Variants in PSMA1 observed in about 807,000 individuals in gnomAD.
PSMA1 encodes proteasome subunit alpha type-1.
In PSMA1, 3 loss-of-function variants were observed where a neutral mutation model predicts 38.4. The ratio of observed to expected loss-of-function variants is 0.08; its 90% CI spans 0.04 to 0.20. The LOEUF (loss-of-function observed/expected upper bound fraction) is 0.20, where lower values mean the gene tolerates loss of function less well. PSMA1 is among the 10% of genes least tolerant of loss of function. The pLI, the probability that PSMA1 is intolerant of heterozygous loss-of-function variation, is 1.00. For missense variants in PSMA1, 227 were observed against 325.3 expected (o/e 0.70, Z 2.32); for synonymous variants, 101 against 107.1 (o/e 0.94, Z 0.35).
intron 1 of PSMA1, among the ~76,000 whole-genome samples, chr11:14,634,910 G>A (rs1853092764): frequency 1.3e-5 from 2 of 152,204 alleles, no homozygotes; most frequent in African/African-American, 4.8e-5. Flanking sequence ...GATGAAGGAT[G>A]AAGAAATTTT....
chr11:14,570,838 C>T (rs1218930302), intron 2 of PSMA1, among the ~76,000 whole-genome samples: 2 of 152,118 alleles, frequency 1.3e-5, no homozygotes, highest in African/African-American at 4.8e-5. Context: ...CATTCAAATT[C>T]AGGAAATACA....
At chr11:14,581,073 C>T (rs937519507) in intron 2 of PSMA1, among the ~76,000 whole-genome samples, 1 of 152,056 alleles carries the variant, frequency 6.6e-6, no homozygotes, top group African/African-American at 2.4e-5. Context: ...ATGAGAGAAC[C>T]TTTAGAAAGT....
At chr11:14,516,085 T>A (rs1206354503) in intron 4 of PSMA1, among the ~76,000 whole-genome samples, 1 of 151,640 alleles carries the variant, frequency 6.6e-6, no homozygotes, top group Admixed American at 6.6e-5. Flanking sequence ...TGGCACATGC[T>A]TGTAGTCCCA....
chr11:14,601,611 A>C (rs1038175568), intron 2 of PSMA1, among the ~76,000 whole-genome samples: 1 of 152,128 alleles, frequency 6.6e-6, no homozygotes, highest in African/African-American at 2.4e-5. Flanking sequence ...TGATCACATA[A>C]TCCTGTCTAC....
rs368089409 is a variant in PSMA1 at position 14,570,680 on chromosome 11, G to A, written c.21+40286C>T. On this transcript the variant is annotated intron_variant, in intron 2 of 10. Coordinates refer to the PSMA1 transcript ENST00000418988. The stretch of plus-strand genomic sequence containing the variant: ...AAAAGACTAAAAAGAAACAAACAAA[G>A]CCTCCAAGAAATATGGGACTATGTG... Among the ~76,000 whole-genome samples, 342 of 152,254 alleles carry A rather than the reference G, an allele frequency of 2.2e-3. 3 individuals carry two copies. The highest frequency in any genetic ancestry group is 7.9e-3 in the African/African-American group (329 of 41,540).
chr11:14,611,436 T>C (rs902051374), intron 1 of PSMA1, among the ~76,000 whole-genome samples: 1 of 152,028 alleles, frequency 6.6e-6, no homozygotes, highest in Admixed American at 6.6e-5. Flanking sequence ...AATTGAAAAA[T>C]TGAGATGAAA....
chr11:14,521,611 C>T, upstream of PSMA1, among the ~76,000 whole-genome samples: 1 of 151,244 alleles, frequency 6.6e-6, no homozygotes. Context: ...GGTAAAACCC[C>T]GTCTCTACTA....
At chr11:14,566,889 G>T (rs375950236) in intron 2 of PSMA1, among the ~76,000 whole-genome samples, 146 of 152,250 alleles carry the variant, frequency 9.6e-4, no homozygotes, top group African/African-American at 3.4e-3. Context: ...GCTGGGTCTC[G>T]CTCACAGGCC....
Position 14,598,613 on chromosome 11 carries a change from C to CT in PSMA1, c.21+12352_21+12353insA, listed in dbSNP as rs201528120. Among the ~76,000 whole-genome samples the CT allele has an allele frequency of 1.4e-3, 130 of 91,884 alleles. 3 individuals carry two copies. The East Asian group carries it at 0.043, about 30-fold the overall frequency. The allele number at this position is 91,884 out of a possible 152,430, so 60.3% of individuals were successfully genotyped here. A position where few individuals can be genotyped will look rare whatever the true frequency, so the allele number is the denominator to read the frequency against. On this transcript the variant is annotated intron_variant, in intron 2 of 10. Transcript: ENST00000418988. ...TTTGCTTGGTAGATCTTCCTCCTTC[C>CT]CTTATTTTGAGCCTACGTATGTCTC...
chr11:14,610,511 T>C (rs1852696806), intron 2 of PSMA1, among the ~76,000 whole-genome samples: 1 of 152,226 alleles, frequency 6.6e-6, no homozygotes, highest in Admixed American at 6.5e-5. Context: ...CATGTACTCC[T>C]TTCAGTCTAG....
At chr11:14,619,222 GC>G (rs1322090961) in intron 1 of PSMA1, among the ~76,000 whole-genome samples, 1 of 152,186 alleles carries the variant, frequency 6.6e-6, no homozygotes, top group Non-Finnish European at 1.5e-5. Context: ...GCGGAGGCAA[GC>G]AGATTGCTTG....
intron 2 of PSMA1, among the ~76,000 whole-genome samples, chr11:14,559,037 T>C (rs987597708): frequency 6.6e-6 from 1 of 152,200 alleles, no homozygotes; most frequent in African/African-American, 2.4e-5. Flanking sequence ...TGAGAGGGAA[T>C]AGTTGTGTCC....
At chr11:14,516,265 C>T (rs1011296199) in intron 4 of PSMA1, among the ~76,000 whole-genome samples, 1 of 151,966 alleles carries the variant, frequency 6.6e-6, no homozygotes, top group African/African-American at 2.4e-5. Context: ...AGTACAGTGG[C>T]ACTATCATAG....
At chr11:14,513,029 CAGATA>C (rs1851370329) in intron 7 of PSMA1, among the ~76,000 whole-genome samples, 1 of 152,200 alleles carries the variant, frequency 6.6e-6, no homozygotes, top group African/African-American at 2.4e-5. Flanking sequence ...CACCAGAAAA[CAGATA>C]AGATGACAAA....
chr11:14,635,115 T>C (rs1221391034), intron 1 of PSMA1, among the ~76,000 whole-genome samples: 1 of 152,114 alleles, frequency 6.6e-6, no homozygotes, highest in East Asian at 1.9e-4. Context: ...TGAGAAGCTA[T>C]AATGAGAGGA....
At chr11:14,586,823 C>G (rs1365857260) in intron 2 of PSMA1, among the ~76,000 whole-genome samples, 3 of 151,848 alleles carry the variant, frequency 2.0e-5, no homozygotes, top group Non-Finnish European at 4.4e-5. Context: ...TGCAGTGGCA[C>G]GATCTCGGCT....
In PSMA1 at chr11:14,636,812, G is replaced by A. The variant is rs553139722; in HGVS notation, c.-166+6643C>T. Among the ~76,000 whole-genome samples the A allele has an allele frequency of 2.0e-5, 3 of 152,234 alleles. No individual in the cohort carries two copies. The East Asian group carries it at 5.8e-4, about 29-fold the overall frequency. On this transcript the variant is annotated intron_variant, in intron 1 of 10. Coordinates refer to the PSMA1 transcript ENST00000418988. The stretch of plus-strand genomic sequence containing the variant: ...CCTTTTCTGCACATTCCAATTCTAT[G>A]GAACTGATCAGAAAGTTTTATAGCT...
At chr11:14,525,955 C>T (rs1259691710) in intron 2 of PSMA1, among the ~76,000 whole-genome samples, 1 of 152,204 alleles carries the variant, frequency 6.6e-6, no homozygotes, top group Non-Finnish European at 1.5e-5. Context: ...TTTGAATCTT[C>T]TCAACAAGAC....
In PSMA1 at chr11:14,537,546, G is replaced by GT. The variant is rs199568590; in HGVS notation, c.22-18506dup. On this transcript the variant is annotated intron_variant, in intron 2 of 10. Coordinates refer to the PSMA1 transcript ENST00000418988. ...GAAGTTGCTATAACTTCCCTGCAGG[G>GT]TTTTTTTTTTTTTTCAGTTTCACTA... is the stretch of plus-strand genomic sequence containing the variant. Among the ~76,000 whole-genome samples, 841 of 134,152 alleles carry GT rather than the reference G, an allele frequency of 6.3e-3. 1 individual carries two copies. Among genetic ancestry groups the GT allele is most frequent in the Non-Finnish European group, 8.0e-3 (492 of 61,562 alleles). 88.0% of individuals were successfully genotyped at this position (134,152 alleles called of 152,430 possible).
Sources: gnomAD v4.1 joint callset for allele counts (sites outside exome capture counted in the v4.1 genomes callset) on GRCh38, gnomAD v4.1.1 for gene constraint, MANE v1.5 for transcripts, NCBI Gene and HGNC (gene_info 2026-07-23, HGNC 2026-07-21) for gene names.